The following VEPH1 variants were observed in gnomAD, a reference collection of about 807,000 sequenced individuals.
VEPH1 encodes ventricular zone expressed PH domain containing 1, also known as ventricular zone-expressed PH domain-containing protein homolog 1.
Under a neutral mutation model 85.2 loss-of-function variants are expected in VEPH1, and 80 were observed. The ratio of observed to expected loss-of-function variants is 0.94; its 90% CI spans 0.78 to 1.13. VEPH1 has a LOEUF of 1.13. VEPH1 is among the 50% of genes most tolerant of loss of function. VEPH1 has a pLI of 0.00. For missense variants in VEPH1, 955 were observed against 980.5 expected (o/e 0.97, Z 0.35); for synonymous variants, 297 against 348.0 (o/e 0.85, Z 1.63).
At chr3:157,441,215 G>A (rs190164860) in intron 4 of VEPH1, among the ~76,000 whole-genome samples, 3 of 152,272 alleles carry the variant, frequency 2.0e-5, no homozygotes, top group East Asian at 1.9e-4. Flanking sequence ...GATTAAGGGC[G>A]TGGCCTCTGT....
At chr3:157,345,542 GAGGA>G (rs1724117026) in intron 9 of VEPH1, among the ~76,000 whole-genome samples, 1 of 152,222 alleles carries the variant, frequency 6.6e-6, no homozygotes, top group Non-Finnish European at 1.5e-5. Flanking sequence ...ACATGCTGGA[GAGGA>G]TGTGGAGAAA....
intron 4 of VEPH1, chr3:157,436,992 C>T: frequency 6.2e-7 from 1 of 1,613,992 alleles, no homozygotes; most frequent in African/African-American, 1.3e-5. Flanking sequence ...GCCGAGAACT[C>T]GGATGATTAT....
chr3:157,404,236 G>C (rs139150513), intron 6 of VEPH1, among the ~76,000 whole-genome samples: 167 of 152,198 alleles, frequency 1.1e-3, no homozygotes, highest in Non-Finnish European at 1.8e-3. Context: ...ATTACTTGAG[G>C]GGGGGTTATG....
chr3:157,449,726 T>C (rs1298853742), intron 4 of VEPH1, among the ~76,000 whole-genome samples: 1 of 152,210 alleles, frequency 6.6e-6, no homozygotes, highest in Non-Finnish European at 1.5e-5. Flanking sequence ...GAAACCTCTG[T>C]TGCTATTTTA....
intron 1 of VEPH1, among the ~76,000 whole-genome samples, chr3:157,500,496 T>C (rs1186804592): frequency 6.6e-6 from 1 of 152,180 alleles, no homozygotes; most frequent in Non-Finnish European, 1.5e-5. Flanking sequence ...CAGTTGGTGA[T>C]CAATCATATT....
At chr3:157,314,467 C>A (rs1720526925) in intron 10 of VEPH1, among the ~76,000 whole-genome samples, 1 of 151,258 alleles carries the variant, frequency 6.6e-6, no homozygotes, top group Non-Finnish European at 1.5e-5. Flanking sequence ...ATAATGATCT[C>A]CATAAATATG....
intron 12 of VEPH1, among the ~76,000 whole-genome samples, chr3:157,281,080 A>T (rs1559920706): frequency 1.5e-5 from 2 of 136,188 alleles, no homozygotes; most frequent in Non-Finnish European, 1.6e-5. Context: ...GTGTGTGCAT[A>T]TGTGTGCGTG....
intron 9 of VEPH1, among the ~76,000 whole-genome samples, chr3:157,327,401 T>C (rs530429131): frequency 2.7e-4 from 41 of 152,282 alleles, no homozygotes; most frequent in African/African-American, 8.7e-4. Flanking sequence ...CACTACCCAG[T>C]GGTTGGTTGC....
At chr3:157,424,414 C>G (rs1274673263) in intron 5 of VEPH1, among the ~76,000 whole-genome samples, 1 of 152,120 alleles carries the variant, frequency 6.6e-6, no homozygotes, top group Non-Finnish European at 1.5e-5. Flanking sequence ...GAAAAGATAC[C>G]TGAAACTGTG....
At chr3:157,316,789 T>G (rs931092610) in intron 10 of VEPH1, among the ~76,000 whole-genome samples, 6 of 152,118 alleles carry the variant, frequency 3.9e-5, no homozygotes, top group African/African-American at 1.4e-4. Flanking sequence ...TTTGCTGTTG[T>G]TTAACCAAAG....
intron 12 of VEPH1, among the ~76,000 whole-genome samples, chr3:157,280,014 CAAAAAAAAA>C (rs369384376): frequency 6.4e-5 from 7 of 110,018 alleles, no homozygotes; most frequent in Admixed American, 1.0e-4. Context: ...GACTCTGTTT[CAAAAAAAAA>C]AAAAAAAAAA....
chr3:157,406,805 T>C (rs1160883391), intron 6 of VEPH1, among the ~76,000 whole-genome samples: 1 of 152,132 alleles, frequency 6.6e-6, no homozygotes, highest in Non-Finnish European at 1.5e-5. Flanking sequence ...CCACTAGGTC[T>C]ACTGCCTTGT....
At chr3:157,404,047 A>C (rs1374232579) in intron 6 of VEPH1, among the ~76,000 whole-genome samples, 1 of 152,070 alleles carries the variant, frequency 6.6e-6, no homozygotes, top group Non-Finnish European at 1.5e-5. Flanking sequence ...ATCCTGAAAA[A>C]CCAGTATCCA....
intron 6 of VEPH1, among the ~76,000 whole-genome samples, chr3:157,385,189 C>A (rs1422598174): frequency 6.7e-6 from 1 of 150,002 alleles, no homozygotes; most frequent in Admixed American, 6.7e-5. Flanking sequence ...CATCTAGACC[C>A]TCACTTGCTA....
intron 9 of VEPH1, among the ~76,000 whole-genome samples, chr3:157,350,275 G>T (rs1449489818): frequency 6.6e-6 from 1 of 152,136 alleles, no homozygotes; most frequent in Non-Finnish European, 1.5e-5. Flanking sequence ...AAAAAGGATA[G>T]TCTCTTCAAT....
chr3:157,340,344 A>G (rs6441124), intron 9 of VEPH1, among the ~76,000 whole-genome samples: 110,708 of 152,138 alleles, frequency 0.73, 41,177 homozygotes, highest in African/African-American at 0.87. Context: ...CTTTTCCAAC[A>G]GTCTTAGCAA....
In VEPH1 at chr3:157,460,301, G is replaced by A; in HGVS notation, c.409C>T (p.Leu137Phe). Residue 137 changes from leucine (L) to phenylalanine (F), a missense_variant, in exon 4 of 14, where the codon CTC (leucine) becomes TTC (phenylalanine). By Grantham distance (22) the Leu-to-Phe change is conservative. Transcript: ENST00000362010. ...CACAGTTCCTTGTTGCCTCTGTGGA[G>A]GAATTTCACTGCAATGGGGATGGCT... Reference protein sequence around the residue: ...ALAIPIAVKFLHRGNKELCRN... With the variant: ...ALAIPIAVKFFHRGNKELCRN... 6.2e-7 allele frequency: 1 copy of A among 1,614,130 alleles called. No homozygotes were observed. The highest frequency in any genetic ancestry group is 2.2e-5 in the East Asian group (1 of 44,884).
chr3:157,280,014 CAAAAA>C (rs369384376), intron 12 of VEPH1, among the ~76,000 whole-genome samples: 4 of 110,016 alleles, frequency 3.6e-5, no homozygotes, highest in Non-Finnish European at 7.4e-5. Flanking sequence ...GACTCTGTTT[CAAAAA>C]AAAAAAAAAA....
At chr3:157,327,620 A>G (rs976206700) in intron 9 of VEPH1, among the ~76,000 whole-genome samples, 6 of 152,170 alleles carry the variant, frequency 3.9e-5, no homozygotes, top group South Asian at 2.1e-4. Context: ...GTCACACAGC[A>G]AAGGGTAGAG....
Sources: gnomAD v4.1 joint callset for allele counts (sites outside exome capture counted in the v4.1 genomes callset) on GRCh38, gnomAD v4.1.1 for gene constraint, MANE v1.5 for transcripts, NCBI Gene and HGNC (gene_info 2026-07-23, HGNC 2026-07-21) for gene names.